Variants in GLIS3 observed in about 807,000 individuals in gnomAD.
GLIS3 encodes GLIS family zinc finger 3.
A neutral mutation model predicts 78.6 loss-of-function variants in GLIS3; 53 were observed. The ratio of observed to expected loss-of-function variants is 0.67; its 90% CI spans 0.54 to 0.85. The LOEUF is 0.85. Among genes scored for constraint, GLIS3 ranks in the 40% least tolerant of loss-of-function variants. GLIS3 has a pLI of 0.00. For synonymous variants in GLIS3, 684 were observed against 509.9 expected (o/e 1.34, Z -4.60); for missense variants, 1,703 against 1,231.1 (o/e 1.38, Z -5.74).
the GLIS3 span, among the ~76,000 whole-genome samples, chr9:4,397,191 A>C: frequency 1.4e-5 from 2 of 140,420 alleles, 1 homozygote; most frequent in African/African-American, 5.7e-5. Context: ...ACGCCCGGCT[A>C]ATTTTTTGTA....
At chr9:4,247,665 C>A (rs1017473678) in intron 2 of GLIS3, among the ~76,000 whole-genome samples, 4 of 152,096 alleles carry the variant, frequency 2.6e-5, no homozygotes, top group Middle Eastern at 6.8e-3. Flanking sequence ...GATAAAAAAA[C>A]AAATATTTAA....
intron 4 of GLIS3, among the ~76,000 whole-genome samples, chr9:4,021,571 A>G (rs1350301633): frequency 6.6e-6 from 1 of 152,172 alleles, no homozygotes; most frequent in Non-Finnish European, 1.5e-5. Context: ...AAATATAAGC[A>G]TCCATTGTAC....
intron 7 of GLIS3, among the ~76,000 whole-genome samples, chr9:3,897,426 T>C (rs917578887): frequency 6.6e-6 from 1 of 151,688 alleles, no homozygotes; most frequent in African/African-American, 2.4e-5. Context: ...AAGCTAGTCA[T>C]GGTTTTTCAT....
chr9:4,485,719 C>CTT, the GLIS3 span, among the ~76,000 whole-genome samples: 27,807 of 143,126 alleles, frequency 0.19, 2,930 homozygotes, highest in Middle Eastern at 0.3. Context: ...CCTGCCTCTG[C>CTT]TTTTTTTTTT....
At chr9:4,159,849 G>A (rs1586839253) in intron 2 of GLIS3, among the ~76,000 whole-genome samples, 1 of 152,332 alleles carries the variant, frequency 6.6e-6, no homozygotes, top group Non-Finnish European at 1.5e-5. Context: ...AGAGCCAGGA[G>A]TTAAGACGGC....
At chr9:4,307,307 A>G (rs1817251365) in intron 4 of GLIS3, among the ~76,000 whole-genome samples, 1 of 152,202 alleles carries the variant, frequency 6.6e-6, no homozygotes, top group African/African-American at 2.4e-5. Flanking sequence ...AACATAATTT[A>G]TGTAAAATTT....
chr9:3,987,769 A>G (rs1307897791), intron 4 of GLIS3, among the ~76,000 whole-genome samples: 2 of 140,084 alleles, frequency 1.4e-5, no homozygotes, highest in Admixed American at 7.4e-5. Context: ...GGCAAAAAAA[A>G]AAAAAAAAAA....
the GLIS3 span, among the ~76,000 whole-genome samples, chr9:4,436,638 C>G: frequency 1.3e-5 from 2 of 151,872 alleles, no homozygotes; most frequent in South Asian, 4.2e-4. Context: ...AATCCTTTCT[C>G]TACTAAAAAT....
chr9:4,264,228 T>G (rs1421142697), intron 2 of GLIS3, among the ~76,000 whole-genome samples: 3 of 152,188 alleles, frequency 2.0e-5, no homozygotes, highest in African/African-American at 4.8e-5. Flanking sequence ...ATTCTTCTGT[T>G]TCTTATTGCT....
intron 4 of GLIS3, among the ~76,000 whole-genome samples, chr9:4,075,989 C>T (rs887715358): frequency 3.9e-5 from 6 of 152,074 alleles, no homozygotes; most frequent in African/African-American, 1.4e-4. Flanking sequence ...GAACACCTCA[C>T]GAAGAAAAAA....
the GLIS3 span, among the ~76,000 whole-genome samples, chr9:4,405,158 C>A: frequency 6.6e-6 from 1 of 152,018 alleles, no homozygotes; most frequent in Non-Finnish European, 1.5e-5. Context: ...AGTTCGAGAT[C>A]AACCTGACCA....
At chr9:4,155,856 A>T (rs892514529) in intron 2 of GLIS3, among the ~76,000 whole-genome samples, 1 of 152,190 alleles carries the variant, frequency 6.6e-6, no homozygotes, top group Non-Finnish European at 1.5e-5. Flanking sequence ...GCTGATACTG[A>T]TGCTGCAGGT....
At chr9:4,224,961 T>C (rs1821644213) in intron 2 of GLIS3, among the ~76,000 whole-genome samples, 2 of 151,928 alleles carry the variant, frequency 1.3e-5, no homozygotes, top group African/African-American at 4.8e-5. Context: ...ATTACTACAA[T>C]ATTTTTAAAC....
intron 4 of GLIS3, among the ~76,000 whole-genome samples, chr9:4,058,927 A>G (rs1826382562): frequency 6.6e-6 from 1 of 151,772 alleles, no homozygotes. Flanking sequence ...GCTTGCAGTG[A>G]GCCAAGATTG....
At chr9:4,443,408 G>C in the GLIS3 span, among the ~76,000 whole-genome samples, 1,185 of 152,232 alleles carry the variant, frequency 7.8e-3, 13 homozygotes, top group South Asian at 0.043. Context: ...TTGAATCAAT[G>C]AATGAGAACA....
chr9:3,905,164 C>CTTTT (rs1563834122), intron 6 of GLIS3, among the ~76,000 whole-genome samples: 19 of 133,334 alleles, frequency 1.4e-4, no homozygotes, highest in South Asian at 2.4e-4. Context: ...TTTTTTTTTG[C>CTTTT]TATTTTTAGT....
chr9:3,993,003 G>C (rs187336195), intron 4 of GLIS3, among the ~76,000 whole-genome samples: 2 of 152,146 alleles, frequency 1.3e-5, no homozygotes, highest in Non-Finnish European at 1.5e-5. Context: ...CAGTAAGGCC[G>C]GCTGCCAGGG....
chr9:3,994,048 T>C (rs757021887), intron 4 of GLIS3, among the ~76,000 whole-genome samples: 2 of 152,230 alleles, frequency 1.3e-5, no homozygotes, highest in Non-Finnish European at 2.9e-5. Flanking sequence ...CAGAGTTTGC[T>C]GACTGAGAAG....
At chr9:4,354,399 G>C in the GLIS3 span, among the ~76,000 whole-genome samples, 1 of 152,164 alleles carries the variant, frequency 6.6e-6, no homozygotes, top group Admixed American at 6.5e-5. Context: ...TCCCTAGCCA[G>C]AGTCACCTCC....
Sources: gnomAD v4.1 joint callset for allele counts (sites outside exome capture counted in the v4.1 genomes callset) on GRCh38, gnomAD v4.1.1 for gene constraint, MANE v1.5 for transcripts, NCBI Gene and HGNC (gene_info 2026-07-23, HGNC 2026-07-21) for gene names.